The following FBXL17 variants were observed in gnomAD, a reference collection of about 807,000 sequenced individuals.
FBXL17 encodes the protein F-box/LRR-repeat protein 17.
Under a neutral mutation model 66.2 loss-of-function variants are expected in FBXL17, and 22 were observed. The ratio of observed to expected loss-of-function variants is 0.33; its 90% CI spans 0.24 to 0.47. FBXL17 has a LOEUF of 0.47. Among genes scored for constraint, FBXL17 ranks in the 20% least tolerant of loss-of-function variants. The pLI is 1.00. For missense variants in FBXL17, 878 were observed against 948.2 expected, an observed-to-expected ratio of 0.93 and a Z score of 0.97; for synonymous variants, 474 against 400.5, an observed-to-expected ratio of 1.18 and a Z score of -2.19.
intron 1 of FBXL17, among the ~76,000 whole-genome samples, chr5:108,380,290 T>C (rs988362003): frequency 6.6e-6 from 1 of 152,224 alleles, no homozygotes; most frequent in Non-Finnish European, 1.5e-5. Flanking sequence ...CGTTTGACAT[T>C]AACTACCAGC....
intron 7 of FBXL17, among the ~76,000 whole-genome samples, chr5:107,995,891 G>A (rs937825599): frequency 1.3e-5 from 2 of 152,156 alleles, no homozygotes; most frequent in Non-Finnish European, 2.9e-5. Context: ...GGAAAAATGA[G>A]ACAATGAAGC....
Position 108,164,964 on chromosome 5 carries a change from G to A in FBXL17, c.1745+21153C>T, listed in dbSNP as rs971035894. On this transcript the variant is annotated intron_variant, in intron 6 of 8. Transcript: ENST00000542267. Reference sequence around the variant, plus strand: ...AGCCATTTTTAAATGCTCCAAAATAGCTGATGATAGCATCCACAATTGGCA... The same window carrying A: ...AGCCATTTTTAAATGCTCCAAAATAACTGATGATAGCATCCACAATTGGCA... 3.9e-5 allele frequency among the ~76,000 whole-genome samples: 6 copies of A among 152,150 alleles called. No individual in the cohort carries two copies. In the East Asian group the frequency reaches 1.2e-3, roughly 29 times the overall value.
At chr5:108,071,446 T>C (rs1254980628) in intron 6 of FBXL17, among the ~76,000 whole-genome samples, 1 of 152,212 alleles carries the variant, frequency 6.6e-6, no homozygotes, top group East Asian at 1.9e-4. Context: ...TGATCTCCAG[T>C]TGTGAGGATG....
rs1048266509 is a variant in FBXL17 at position 108,381,117 on chromosome 5, G to A, written c.575C>T (p.Pro192Leu). Residue 192 changes from proline to leucine, a missense_variant, in exon 1 of 9, where the codon CCC becomes CTC. Around this residue, in one of 4 missense-constraint regions of FBXL17, gnomAD observed 605 missense variants for 509.5 expected, o/e 1.19. Coordinates refer to ENST00000542267, the MANE Select transcript of FBXL17 (RefSeq NM_001163315.3). ...CTTCCGCTTGCACACCATTTCGGGGGGCGTAGGGAGCTCGGCCGGTGACGG... is the reference window on the plus strand; with the variant it reads ...CTTCCGCTTGCACACCATTTCGGGGAGCGTAGGGAGCTCGGCCGGTGACGG... ...PTPSPAELPT[P>L]PEMVCKRKGA... is the part of the protein sequence containing the mutation. 53 of 1,352,318 alleles carry A rather than the reference G, an allele frequency of 3.9e-5. 1 individual carries two copies. The highest frequency in any genetic ancestry group is 2.5e-4 in the South Asian group (14 of 56,082). The allele number at this position is 1,352,318 out of a possible 1,614,324, so 83.8% of individuals were successfully genotyped here.
At chr5:108,354,727 T>TA (rs904868352) in intron 3 of FBXL17, among the ~76,000 whole-genome samples, 20 of 123,570 alleles carry the variant, frequency 1.6e-4, no homozygotes, top group East Asian at 6.8e-4. Context: ...AATCAAAGGT[T>TA]AAAAAAAAAA....
intron 7 of FBXL17, among the ~76,000 whole-genome samples, chr5:108,001,192 T>C (rs1753708823): frequency 6.6e-6 from 1 of 152,190 alleles, no homozygotes; most frequent in South Asian, 2.1e-4. Flanking sequence ...TACATACATA[T>C]ACATATATAT....
intron 4 of FBXL17, among the ~76,000 whole-genome samples, chr5:108,242,099 G>C (rs1408960790): frequency 6.6e-6 from 1 of 152,172 alleles, no homozygotes; most frequent in Non-Finnish European, 1.5e-5. Context: ...ACTTGTAATG[G>C]TAAGTACATA....
intron 7 of FBXL17, among the ~76,000 whole-genome samples, chr5:107,965,826 T>A (rs1752107874): frequency 6.6e-6 from 1 of 152,090 alleles, no homozygotes; most frequent in Admixed American, 6.6e-5. Context: ...GAGGGAAAAA[T>A]ATGTTCCCAA....
intron 6 of FBXL17, among the ~76,000 whole-genome samples, chr5:108,036,141 G>A (rs151160769): frequency 6.6e-6 from 1 of 151,966 alleles, no homozygotes; most frequent in African/African-American, 2.4e-5. Context: ...GACTGTGCCA[G>A]TTTTTTTTGT....
chr5:108,030,546 C>T (rs1339602764), intron 6 of FBXL17, among the ~76,000 whole-genome samples: 1 of 152,096 alleles, frequency 6.6e-6, no homozygotes, highest in Non-Finnish European at 1.5e-5. Flanking sequence ...AACAGTGCAT[C>T]TCTTTGGCGT....
chr5:107,935,409 ATATG>A (rs1481424993), intron 7 of FBXL17, among the ~76,000 whole-genome samples: 9 of 149,074 alleles, frequency 6.0e-5, no homozygotes, highest in African/African-American at 2.0e-4. Flanking sequence ...TTATATATAT[ATATG>A]TGTGTGTGTG....
rs562379100 is a variant in FBXL17 at position 108,020,241 on chromosome 5, T to A, written c.1822+684A>T. On this transcript the variant is annotated intron_variant, in intron 7 of 8. Coordinates refer to ENST00000542267, the MANE Select transcript of FBXL17 (RefSeq NM_001163315.3). ...GCCTAATATATTTTCTGCTTAAAAC[T>A]CTGTAATTAGATTAAATACACAAAT... 4.6e-5 allele frequency among the ~76,000 whole-genome samples: 7 copies of A among 152,050 alleles called. 1 individual carries two copies. The highest frequency in any genetic ancestry group is 1.7e-4 in the African/African-American group (7 of 41,562).
chr5:108,009,300 T>TATATATATATATATATAC lies in FBXL17; in HGVS notation c.1822+11624_1822+11625insGTATATATATATATATAT, dbSNP rs1554056634. Among the ~76,000 whole-genome samples, 16 of 63,300 alleles carry TATATATATATATATATAC rather than the reference T, an allele frequency of 2.5e-4. 1 individual carries two copies. Among genetic ancestry groups the TATATATATATATATATAC allele is most frequent in the Non-Finnish European group, 3.6e-4 (12 of 33,508 alleles). 41.5% of individuals were successfully genotyped at this position (63,300 alleles called of 152,430 possible). Reference sequence around the variant, plus strand: ...ATATATATATATATATATATATATATACATATATACATACACATATAGTTT... The same window carrying TATATATATATATATATAC: ...ATATATATATATATATATATATATATATATATATATATATATACACATATATACATACACATATAGTTT... On this transcript the variant is annotated intron_variant, in intron 7 of 8. Coordinates refer to ENST00000542267, the MANE Select transcript of FBXL17 (RefSeq NM_001163315.3).
intron 7 of FBXL17, among the ~76,000 whole-genome samples, chr5:107,921,278 C>A (rs531342218): frequency 1.3e-5 from 2 of 152,308 alleles, no homozygotes; most frequent in South Asian, 2.1e-4. Flanking sequence ...CCTGAGGCTT[C>A]TTCAGAAATT....
intron 4 of FBXL17, among the ~76,000 whole-genome samples, chr5:108,243,407 A>G (rs1329814672): frequency 3.3e-5 from 5 of 152,234 alleles, no homozygotes; most frequent in Non-Finnish European, 7.4e-5. Context: ...TACTAATGTA[A>G]CAGCCATAGG....
intron 6 of FBXL17, among the ~76,000 whole-genome samples, chr5:108,095,479 C>T (rs953930387): frequency 2.6e-5 from 4 of 152,034 alleles, no homozygotes; most frequent in Admixed American, 2.6e-4. Context: ...GAAGAAGTCT[C>T]TTCTAGTCCT....
At chr5:108,375,802 C>G (rs956266280) in intron 1 of FBXL17, among the ~76,000 whole-genome samples, 1 of 152,066 alleles carries the variant, frequency 6.6e-6, no homozygotes, top group Non-Finnish European at 1.5e-5. Context: ...GATACCAAAG[C>G]CAGGCAAAGA....
At chr5:107,880,984 C>T (rs756498257) in intron 8 of FBXL17, 53 bp downstream of exon 8, 2 of 1,613,658 alleles carry the variant, frequency 1.2e-6, no homozygotes, top group Non-Finnish European at 1.7e-6. Context: ...TGACATCAAG[C>T]TATTAACTAT....
At chr5:108,288,809 G>GGAGA (rs574849521) in intron 4 of FBXL17, among the ~76,000 whole-genome samples, 1 of 151,966 alleles carries the variant, frequency 6.6e-6, no homozygotes, top group Non-Finnish European at 1.5e-5. Flanking sequence ...GACTAAAAAT[G>GGAGA]GAGAGAGAGG....
Sources: allele counts gnomAD v4.1 joint callset (sites outside exome capture counted in the v4.1 genomes callset), GRCh38; gene constraint gnomAD v4.1.1; regional missense constraint gnomAD v4.1.1; transcripts MANE v1.5; gene names NCBI Gene and HGNC (gene_info 2026-07-23, HGNC 2026-07-21).